Variants in N4BP2L2 observed in about 807,000 individuals in gnomAD.
The protein encoded by N4BP2L2 is NEDD4-binding protein 2-like 2.
N4BP2L2 carries 50 observed loss-of-function variants against 56.2 expected under a neutral mutation model. That is an observed-to-expected ratio of 0.89 (90% CI 0.71 to 1.13). N4BP2L2 has a LOEUF of 1.13. N4BP2L2 is among the 50% of genes most tolerant of loss of function. The probability of loss-of-function intolerance (pLI) is 0.00; values close to 1 mark genes in which losing one functional copy is unlikely to be tolerated. For synonymous variants in N4BP2L2, 203 were observed against 223.6 expected, an observed-to-expected ratio of 0.91 and a Z score of 0.82; for missense variants, 689 against 693.8, an observed-to-expected ratio of 0.99 and a Z score of 0.08.
chr13:32,536,752 A>G (rs531232687), exon 2 of N4BP2L2: 1 of 1,614,138 alleles, frequency 6.2e-7, no homozygotes, highest in Non-Finnish European at 8.5e-7. Flanking sequence ...ATTCAATAAC[A>G]TCTGGTCTAT....
chr13:32,439,541 C>CA (rs1185055978), intron 7 of N4BP2L2, among the ~76,000 whole-genome samples: 3 of 151,922 alleles, frequency 2.0e-5, no homozygotes, highest in Non-Finnish European at 4.4e-5. Flanking sequence ...GACTTCTCCC[C>CA]AAAAAAATGG....
chr13:32,500,371 A>G (rs566089147), intron 6 of N4BP2L2, among the ~76,000 whole-genome samples: 4 of 152,222 alleles, frequency 2.6e-5, no homozygotes, highest in African/African-American at 9.6e-5. Context: ...TTGTTTCTAA[A>G]TAACTTCTAC....
chr13:32,502,971 G>A (rs2090278275), intron 6 of N4BP2L2, among the ~76,000 whole-genome samples: 1 of 151,946 alleles, frequency 6.6e-6, no homozygotes, highest in Non-Finnish European at 1.5e-5. Context: ...TCATAAGTTC[G>A]ATACCAGCCT....
chr13:32,492,936 T>TTTTTTTTA (rs2087546651), intron 6 of N4BP2L2, among the ~76,000 whole-genome samples: 1 of 147,518 alleles, frequency 6.8e-6, no homozygotes, highest in African/African-American at 2.5e-5. Flanking sequence ...TTTTTTTTTT[T>TTTTTTTTA]GAGACAGAGT....
exon 2 of N4BP2L2, chr13:32,535,809 AAAG>A (rs2056413632): frequency 1.2e-6 from 2 of 1,614,014 alleles, no homozygotes; most frequent in African/African-American, 2.7e-5. Context: ...AGACCTCTTA[AAAG>A]AATAAGTAAC....
At chr13:32,476,298 C>T (rs909066306) in intron 6 of N4BP2L2, among the ~76,000 whole-genome samples, 3 of 152,196 alleles carry the variant, frequency 2.0e-5, no homozygotes, top group Non-Finnish European at 4.4e-5. Context: ...AGGCCAATAA[C>T]AATTCCCTCT....
chr13:32,493,684 T>C, intron 6 of N4BP2L2, among the ~76,000 whole-genome samples: 1 of 152,206 alleles, frequency 6.6e-6, no homozygotes, highest in Non-Finnish European at 1.5e-5. Context: ...TTCAATCATG[T>C]TTCACACTAT....
chr13:32,494,720 C>A (rs1211019705), intron 6 of N4BP2L2, among the ~76,000 whole-genome samples: 1 of 152,026 alleles, frequency 6.6e-6, no homozygotes, highest in Admixed American at 6.6e-5. Flanking sequence ...GAGCCAAGAT[C>A]GCGCCACTGC....
chr13:32,480,518 T>C (rs1665655899), intron 6 of N4BP2L2: 2 of 880,610 alleles, frequency 2.3e-6, no homozygotes, highest in Admixed American at 2.9e-5. Flanking sequence ...AGAGACTTTT[T>C]TCTACATAAT....
At chr13:32,518,806 G>C (rs1367041390) in intron 5 of N4BP2L2, among the ~76,000 whole-genome samples, 1 of 152,098 alleles carries the variant, frequency 6.6e-6, no homozygotes, top group Admixed American at 6.6e-5. Flanking sequence ...TGTTGATCTT[G>C]TAAGAACTTT....
exon 6 of N4BP2L2, chr13:32,511,965 T>C (rs1404806499): frequency 6.6e-6 from 1 of 152,162 alleles, no homozygotes; most frequent in African/African-American, 2.4e-5. Flanking sequence ...TCAGAATTTC[T>C]TTCAGAATGA....
chr13:32,497,270 G>A (rs1324499290), intron 6 of N4BP2L2, among the ~76,000 whole-genome samples: 1 of 152,102 alleles, frequency 6.6e-6, no homozygotes, highest in Non-Finnish European at 1.5e-5. Context: ...AAACCCCAAA[G>A]AACTCTGGCT....
chr13:32,501,746 C>T (rs560011804), intron 6 of N4BP2L2, among the ~76,000 whole-genome samples: 4 of 151,810 alleles, frequency 2.6e-5, no homozygotes, highest in African/African-American at 7.2e-5. Context: ...AACCCGGAGG[C>T]GGAGCTTGCA....
At chr13:32,468,951 C>G (rs997118976) in intron 6 of N4BP2L2, among the ~76,000 whole-genome samples, 5 of 152,200 alleles carry the variant, frequency 3.3e-5, no homozygotes, top group African/African-American at 1.2e-4. Flanking sequence ...GCAGGAGCTG[C>G]AGAGCTGGAG....
At chr13:32,536,950 C>T in exon 2 of N4BP2L2, 1 of 1,613,370 alleles carries the variant, frequency 6.2e-7, no homozygotes, top group Non-Finnish European at 8.5e-7. Context: ...TGGTTGACTT[C>T]AATTTTTTAC....
chr13:32,446,320 C>T (rs751887051), intron 6 of N4BP2L2: 2 of 1,309,428 alleles, frequency 1.5e-6, no homozygotes, highest in Non-Finnish European at 2.1e-6. Context: ...GTAAAGAGTG[C>T]TATCTGTGGT....
chr13:32,443,665 G>A (rs1384658759), exon 7 of N4BP2L2: 1 of 1,611,016 alleles, frequency 6.2e-7, no homozygotes, highest in Admixed American at 1.7e-5. Flanking sequence ...CTTCATGCCA[G>A]AGCAGTCATC....
intron 6 of N4BP2L2, among the ~76,000 whole-genome samples, chr13:32,491,084 C>T (rs1294939949): frequency 2.0e-5 from 3 of 151,830 alleles, no homozygotes; most frequent in African/African-American, 7.3e-5. Context: ...CAGTGGCTCT[C>T]AACCTGAAAA....
chr13:32,511,011 T>A (rs573894961), exon 6 of N4BP2L2: 3 of 151,610 alleles, frequency 2.0e-5, no homozygotes, highest in South Asian at 4.2e-4. Context: ...TAAAAAAAAA[T>A]AATACAGGGT....
Sources: allele counts gnomAD v4.1 joint callset (sites outside exome capture counted in the v4.1 genomes callset), GRCh38; gene constraint gnomAD v4.1.1; transcripts MANE v1.5; gene names NCBI Gene and HGNC (gene_info 2026-07-23, HGNC 2026-07-21).